Variants in DACH2 observed in about 807,000 individuals in gnomAD.
DACH2 encodes the protein dachshund family transcription factor 2, also known as dachshund homolog 2.
A neutral mutation model predicts 35.8 loss-of-function variants in DACH2; 17 were observed. The ratio of observed to expected loss-of-function variants is 0.48; its 90% CI spans 0.33 to 0.71. The LOEUF (loss-of-function observed/expected upper bound fraction) is 0.71, where lower values mean the gene tolerates loss of function less well. Ranked by LOEUF, DACH2 falls within the 30% of genes least tolerant of loss-of-function variation. The pLI is 0.02. For missense variants in DACH2, 469 were observed against 472.7 expected, an observed-to-expected ratio of 0.99 and a Z score of 0.07; for synonymous variants, 195 against 177.3, an observed-to-expected ratio of 1.10 and a Z score of -0.79.
At chrX:86,283,528 C>T (rs2147987133) in intron 1 of DACH2, among the ~76,000 whole-genome samples, 2 of 111,365 alleles carry the variant, frequency 1.8e-5, no homozygotes, top group East Asian at 2.8e-4. Context: ...CACATATACA[C>T]TATGGAATAC....
intron 7 of DACH2, among the ~76,000 whole-genome samples, chrX:86,806,329 TTTTAAA>T (rs2042344560): frequency 9.1e-6 from 1 of 110,172 alleles, no homozygotes; most frequent in African/African-American, 3.3e-5. Context: ...TGTCATACAC[TTTTAAA>T]TAACCAGATC....
At chrX:86,593,395 A>ATTTTTTTATT (rs2039672129) in intron 3 of DACH2, among the ~76,000 whole-genome samples, 1 of 83,128 alleles carries the variant, frequency 1.2e-5, no homozygotes, top group African/African-American at 6.6e-5. Flanking sequence ...TCATATATAT[A>ATTTTTTTATT]TTTTTTTATT....
intron 1 of DACH2, among the ~76,000 whole-genome samples, chrX:86,341,103 A>G (rs1301084086): frequency 8.9e-6 from 1 of 112,301 alleles, no homozygotes; most frequent in Non-Finnish European, 1.9e-5. Flanking sequence ...ATTAAATAGC[A>G]GAATTTCAGT....
chrX:86,573,237 G>A (rs778194375), intron 3 of DACH2, among the ~76,000 whole-genome samples: 24 of 110,801 alleles, frequency 2.2e-4, no homozygotes, highest in Non-Finnish European at 4.0e-4. Context: ...AGATAAGGGA[G>A]GGGAGAGGCA....
At chrX:86,280,114 T>A (rs2033995504) in intron 1 of DACH2, among the ~76,000 whole-genome samples, 2 of 110,543 alleles carry the variant, frequency 1.8e-5, no homozygotes, top group African/African-American at 6.6e-5. Context: ...ACCACAAAGA[T>A]ACTCCTCGAG....
At chrX:86,682,827 TCTA>T (rs1275591830) in intron 4 of DACH2, among the ~76,000 whole-genome samples, 10 of 111,900 alleles carry the variant, frequency 8.9e-5, no homozygotes, top group African/African-American at 1.6e-4. Flanking sequence ...TCCATTTTCT[TCTA>T]CTTTTATTTT....
chrX:86,805,476 A>C (rs2042335368), intron 7 of DACH2, among the ~76,000 whole-genome samples: 1 of 111,354 alleles, frequency 9.0e-6, no homozygotes, highest in Non-Finnish European at 1.9e-5. Flanking sequence ...CATTTTCCCT[A>C]TTGTCTTGGC....
At chrX:86,607,992 CATT>C (rs2039882430) in intron 3 of DACH2, among the ~76,000 whole-genome samples, 1 of 105,007 alleles carries the variant, frequency 9.5e-6, no homozygotes, top group Admixed American at 1.0e-4. Flanking sequence ...TCCAGTCTAT[CATT>C]GTTGGACATT....
chrX:86,729,167 C>T, intron 6 of DACH2, among the ~76,000 whole-genome samples: 1 of 112,254 alleles, frequency 8.9e-6, no homozygotes, highest in South Asian at 3.7e-4. Context: ...AGGAGTCCAC[C>T]ACTTGCATTA....
intron 2 of DACH2, among the ~76,000 whole-genome samples, chrX:86,490,335 T>A (rs1405481115): frequency 2.7e-5 from 3 of 111,395 alleles, no homozygotes; most frequent in African/African-American, 9.8e-5. Flanking sequence ...TGAGCTCAGG[T>A]TAATTTTGCA....
chrX:86,357,305 T>C (rs1429319160), intron 1 of DACH2, among the ~76,000 whole-genome samples: 1 of 112,235 alleles, frequency 8.9e-6, no homozygotes, highest in Non-Finnish European at 1.9e-5. Flanking sequence ...CTGCTTTTGT[T>C]ATTTTTATTA....
intron 1 of DACH2, among the ~76,000 whole-genome samples, chrX:86,177,227 C>T (rs1461178110): frequency 1.8e-5 from 2 of 112,256 alleles, no homozygotes; most frequent in Non-Finnish European, 3.8e-5. Context: ...AAGAGTACTA[C>T]AAATCTGTTA....
intron 1 of DACH2, among the ~76,000 whole-genome samples, chrX:86,355,442 T>C (rs1602435156): frequency 8.9e-6 from 1 of 112,321 alleles, no homozygotes; most frequent in East Asian, 2.8e-4. Context: ...CCAAACCGCT[T>C]TCCACAGTGG....
intron 2 of DACH2, among the ~76,000 whole-genome samples, chrX:86,462,864 G>C (rs1028896482): frequency 9.0e-6 from 1 of 111,471 alleles, no homozygotes; most frequent in African/African-American, 3.3e-5. Flanking sequence ...TTTCTTTGCT[G>C]TCTGCATCTC....
chrX:86,203,372 A>G (rs2032204642), intron 1 of DACH2, among the ~76,000 whole-genome samples: 1 of 111,878 alleles, frequency 8.9e-6, no homozygotes, highest in African/African-American at 3.2e-5. Flanking sequence ...GTAGCTGAGA[A>G]TGCTGATGCT....
intron 4 of DACH2, among the ~76,000 whole-genome samples, chrX:86,672,954 G>A (rs751715645): frequency 8.0e-5 from 9 of 111,974 alleles, no homozygotes; most frequent in South Asian, 7.4e-4. Context: ...GGCCATACCC[G>A]CAGAGCCACA....
At chrX:86,617,174 A>G (rs1371269256) in intron 3 of DACH2, among the ~76,000 whole-genome samples, 1 of 111,514 alleles carries the variant, frequency 9.0e-6, no homozygotes, top group Non-Finnish European at 1.9e-5. Flanking sequence ...GCCCTGTAGT[A>G]TAGTCTGAAG....
intron 3 of DACH2, among the ~76,000 whole-genome samples, chrX:86,525,806 A>C (rs1373723545): frequency 9.0e-6 from 1 of 111,210 alleles, no homozygotes; most frequent in African/African-American, 3.3e-5. Flanking sequence ...CAAATGAGAG[A>C]TCTCTTACAA....
At chrX:86,588,241 C>T (rs1160183020) in intron 3 of DACH2, among the ~76,000 whole-genome samples, 1 of 110,832 alleles carries the variant, frequency 9.0e-6, no homozygotes, top group Non-Finnish European at 1.9e-5. Flanking sequence ...TGTTTTTATG[C>T]CAGTACCATG....
Sources: allele counts gnomAD v4.1 joint callset (sites outside exome capture counted in the v4.1 genomes callset), GRCh38; gene constraint gnomAD v4.1.1; transcripts MANE v1.5; gene names NCBI Gene and HGNC (gene_info 2026-07-23, HGNC 2026-07-21).